Variants in CPEB3 observed in about 807,000 individuals in gnomAD.
CPEB3 encodes the protein cytoplasmic polyadenylation element binding protein 3, also known as cytoplasmic polyadenylation element-binding protein 3.
In CPEB3, 20 loss-of-function variants were observed where a neutral mutation model predicts 67.2. The ratio of observed to expected loss-of-function variants is 0.30; its 90% CI spans 0.21 to 0.43. CPEB3 has a LOEUF of 0.43. Ranked by LOEUF, CPEB3 falls within the 20% of genes least tolerant of loss-of-function variation. The pLI is 1.00. For missense variants in CPEB3, 746 were observed against 968.6 expected, an observed-to-expected ratio of 0.77 and a Z score of 3.05; for synonymous variants, 376 against 393.1, an observed-to-expected ratio of 0.96 and a Z score of 0.51.
intron 8 of CPEB3, among the ~76,000 whole-genome samples, chr10:92,082,685 T>C (rs1176884215): frequency 6.6e-6 from 1 of 152,184 alleles, no homozygotes; most frequent in Non-Finnish European, 1.5e-5. Flanking sequence ...ATTGTTTACT[T>C]GATAGTGGAC....
chr10:92,073,738 A>T (rs1842841313), intron 9 of CPEB3, among the ~76,000 whole-genome samples: 2 of 152,048 alleles, frequency 1.3e-5, no homozygotes, highest in Non-Finnish European at 2.9e-5. Context: ...AAACATTAGG[A>T]TTATAGGTGC....
At chr10:92,247,677 T>A (rs939204557) in intron 1 of CPEB3, among the ~76,000 whole-genome samples, 2 of 151,952 alleles carry the variant, frequency 1.3e-5, no homozygotes, top group Admixed American at 6.6e-5. Flanking sequence ...GATTACAGGC[T>A]AATTTTTATA....
chr10:92,154,209 T>G (rs1847100809), intron 4 of CPEB3, among the ~76,000 whole-genome samples: 1 of 152,208 alleles, frequency 6.6e-6, no homozygotes, highest in South Asian at 2.1e-4. Flanking sequence ...GGACACATAT[T>G]AAAGCTTATC....
At position 92,050,606 on chromosome 10, in the gene CPEB3, G is replaced by A. The variant is rs897641447; in HGVS notation, c.*1606C>T. The A allele has an allele frequency of 3.3e-5, 5 of 152,236 alleles. No individual in the cohort carries two copies. The highest frequency in any genetic ancestry group is 7.2e-5 in the African/African-American group (3 of 41,430). The allele number at this position is 152,236 out of a possible 1,614,324, so 9.4% of individuals were successfully genotyped here. On this transcript the variant is annotated 3_prime_UTR_variant, in exon 10 of 10. Transcript: ENST00000265997. ...CTAGCAGGCCTTCATTCTAGACCAC[G>A]CTAGTGCTAGCAGGCCTTCATTCTA...
chr10:92,253,070 A>G (rs1473874433), intron 1 of CPEB3, among the ~76,000 whole-genome samples: 1 of 152,158 alleles, frequency 6.6e-6, no homozygotes, highest in Non-Finnish European at 1.5e-5. Context: ...AATTGCCTTT[A>G]CAGGGAAATA....
chr10:92,136,105 A>G (rs910021584), intron 6 of CPEB3, among the ~76,000 whole-genome samples: 5 of 152,118 alleles, frequency 3.3e-5, no homozygotes, highest in African/African-American at 1.2e-4. Context: ...GCACATGTAT[A>G]CCTATGTAAC....
At chr10:92,244,494 G>A (rs1851979198) in intron 1 of CPEB3, among the ~76,000 whole-genome samples, 1 of 151,418 alleles carries the variant, frequency 6.6e-6, no homozygotes, top group African/African-American at 2.4e-5. Context: ...CTGGAGTACA[G>A]TGGTGCGATC....
At chr10:92,053,521 G>C (rs1406091337) in intron 9 of CPEB3, among the ~76,000 whole-genome samples, 4 of 148,240 alleles carry the variant, frequency 2.7e-5, no homozygotes, top group African/African-American at 9.9e-5. Flanking sequence ...GCGCCACCAC[G>C]CTCGGCTAAT....
chr10:92,239,925 A>T lies in CPEB3; in HGVS notation c.426T>A (p.His142Gln). The change falls in exon 2 of 10, where the codon CAT (histidine) becomes CAA (glutamine). Residue 142 changes from histidine to glutamine, a missense_variant. By Grantham distance (24) the His-to-Gln change is conservative. This residue lies in a region of CPEB3 where 643 missense variants were observed against 717.5 expected (regional missense o/e 0.90). Coordinates refer to ENST00000265997, the MANE Select transcript of CPEB3 (RefSeq NM_014912.5). The surrounding 1 kb of genome is among the most constrained non-coding windows in gnomAD (Gnocchi z 6.0). ...GTMLFQNFPH[H>Q]VNPVFGGTFS... ...AAGTGCCTCCGAAGACTGGGTTGACATGGTGCGGGAAGTTCTGGAAGAGCA... is the reference window on the plus strand; with the variant it reads ...AAGTGCCTCCGAAGACTGGGTTGACTTGGTGCGGGAAGTTCTGGAAGAGCA... The T allele has an allele frequency of 6.2e-7, 1 of 1,613,280 alleles. No individual in the cohort carries two copies. The highest frequency in any genetic ancestry group is 8.5e-7 in the Non-Finnish European group (1 of 1,179,654).
Position 92,145,062 on chromosome 10 carries a change from C to T in CPEB3, c.1246G>A (p.Gly416Ser). 2 of 1,614,042 alleles carry T rather than the reference C, an allele frequency of 1.2e-6. No homozygotes were observed. Among genetic ancestry groups the T allele is most frequent in the Non-Finnish European group, 1.7e-6 (2 of 1,179,934 alleles). ...LNNAFLDDSH[G>S]DQALSSGLSS... ...AAGCCAGATGACAAGGCTTGATCACCATGGCTATCATCCAGGAAGGCATCT... is the reference window on the plus strand; with the variant it reads ...AAGCCAGATGACAAGGCTTGATCACTATGGCTATCATCCAGGAAGGCATCT... The change falls in exon 5 of 10, where the codon GGT becomes AGT. Residue 416 changes from glycine (G) to serine (S), a missense_variant. Physicochemically the swap from Gly to Ser is moderately conservative, Grantham distance 56 (BLOSUM62 0). This residue lies in a region of CPEB3 where 643 missense variants were observed against 717.5 expected (regional missense o/e 0.90). Coordinates refer to ENST00000265997, the MANE Select transcript of CPEB3 (RefSeq NM_014912.5).
intron 2 of CPEB3, among the ~76,000 whole-genome samples, chr10:92,215,420 G>A (rs1222814684): frequency 1.3e-5 from 2 of 151,110 alleles, no homozygotes; most frequent in Non-Finnish European, 2.9e-5. Flanking sequence ...CCAAAGTGCT[G>A]GGATTACAGG....
chr10:92,125,756 G>C (rs538202790), intron 6 of CPEB3, among the ~76,000 whole-genome samples: 2 of 151,168 alleles, frequency 1.3e-5, no homozygotes, highest in Non-Finnish European at 2.9e-5. Context: ...GGTCTCACTC[G>C]GTTGCCCAGG....
At chr10:92,245,845 T>A (rs1019027027) in intron 1 of CPEB3, among the ~76,000 whole-genome samples, 1 of 151,338 alleles carries the variant, frequency 6.6e-6, no homozygotes, top group African/African-American at 2.4e-5. Context: ...GAAACCAGCC[T>A]GACCAACACG....
rs183892188 is a variant in CPEB3, at chr10:92,208,974, T to A, written c.1006-16338A>T. Among the ~76,000 whole-genome samples, 136 of 152,308 alleles carry A rather than the reference T, an allele frequency of 8.9e-4. 1 individual carries two copies. Among genetic ancestry groups the A allele is most frequent in the African/African-American group, 3.1e-3 (129 of 41,574 alleles). On this transcript the variant is annotated intron_variant, in intron 2 of 9. Coordinates refer to ENST00000265997, the MANE Select transcript of CPEB3 (RefSeq NM_014912.5). Reference sequence around the variant, plus strand: ...CTCTGTCATTGCATTTACCTCATTATATAATCATCATCTATTAAGTAGATC... The same window carrying A: ...CTCTGTCATTGCATTTACCTCATTAAATAATCATCATCTATTAAGTAGATC...
At chr10:92,156,100 C>T (rs1847197138) in intron 4 of CPEB3, among the ~76,000 whole-genome samples, 1 of 152,080 alleles carries the variant, frequency 6.6e-6, no homozygotes, top group Non-Finnish European at 1.5e-5. Flanking sequence ...AAGAACTTAT[C>T]CCAGATGAAG....
At chr10:92,064,342 G>T (rs916772707) in intron 9 of CPEB3, among the ~76,000 whole-genome samples, 2 of 152,210 alleles carry the variant, frequency 1.3e-5, no homozygotes, top group African/African-American at 4.8e-5. Context: ...TAGAGTAGGT[G>T]AGAAGTAGTA....
intron 6 of CPEB3, among the ~76,000 whole-genome samples, chr10:92,124,906 CCACT>C (rs1409217844): frequency 6.6e-6 from 1 of 152,200 alleles, no homozygotes; most frequent in South Asian, 2.1e-4. Flanking sequence ...CTGTTTTTGC[CCACT>C]CAAAGTAGAT....
intron 4 of CPEB3, among the ~76,000 whole-genome samples, chr10:92,161,307 T>G (rs1847464132): frequency 6.6e-6 from 1 of 152,114 alleles, no homozygotes; most frequent in Non-Finnish European, 1.5e-5. Context: ...GTTTCGCCCT[T>G]GTTGCCCAGG....
intron 7 of CPEB3, among the ~76,000 whole-genome samples, chr10:92,110,084 G>A (rs1373555569): frequency 6.6e-6 from 1 of 152,200 alleles, no homozygotes; most frequent in Non-Finnish European, 1.5e-5. Context: ...GCAAGGATTA[G>A]ATGATTTATT....
Sources: allele counts gnomAD v4.1 joint callset (sites outside exome capture counted in the v4.1 genomes callset), GRCh38; gene constraint gnomAD v4.1.1; regional missense constraint gnomAD v4.1.1; non-coding constraint Gnocchi (gnomAD v3.1); transcripts MANE v1.5; gene names NCBI Gene and HGNC (gene_info 2026-07-23, HGNC 2026-07-21).